ZCCHC7: variants seen among roughly 807,000 people sequenced by gnomAD.
The protein encoded by ZCCHC7 is zinc finger CCHC-type containing 7.
ZCCHC7 carries 35 observed loss-of-function variants against 52.0 expected under a neutral mutation model. The ratio of observed to expected loss-of-function variants is 0.67; its 90% CI spans 0.51 to 0.89. ZCCHC7 has a LOEUF of 0.89. ZCCHC7 is among the 40% of genes least tolerant of loss of function. The pLI is 0.00. For missense variants in ZCCHC7, 574 were observed against 649.1 expected (o/e 0.88, Z 1.26); for synonymous variants, 217 against 221.5 (o/e 0.98, Z 0.18).
At chr9:37,200,929 T>C (rs1232994719) in intron 2 of ZCCHC7, among the ~76,000 whole-genome samples, 1 of 152,270 alleles carries the variant, frequency 6.6e-6, no homozygotes, top group East Asian at 1.9e-4. Context: ...CATCACACTT[T>C]GTGTGACTTA....
Position 37,204,299 on chromosome 9 carries a change from TCTTTA to T in ZCCHC7, c.610+77363_610+77367del, listed in dbSNP as rs1823791664. On this transcript the variant is annotated intron_variant, in intron 2 of 8. Coordinates refer to ENST00000336755, the MANE Select transcript of ZCCHC7 (RefSeq NM_032226.3). ...ATAGTTTCTTTTGCTCTGCAGAAGC[TCTTTA>T]CTTTAATTAGATCCCATATGTCACT... 4.6e-5 allele frequency among the ~76,000 whole-genome samples: 7 copies of T among 152,232 alleles called. No homozygotes were observed. The South Asian group carries it at 8.3e-4, about 18-fold the overall frequency.
chr9:37,251,710 A>G (rs1826338529), intron 2 of ZCCHC7, among the ~76,000 whole-genome samples: 1 of 152,178 alleles, frequency 6.6e-6, no homozygotes, highest in Non-Finnish European at 1.5e-5. Flanking sequence ...GCCGACGCAG[A>G]TGGTCCCAGA....
At chr9:37,209,371 G>T (rs552143797) in intron 2 of ZCCHC7, among the ~76,000 whole-genome samples, 10 of 152,016 alleles carry the variant, frequency 6.6e-5, no homozygotes, top group Admixed American at 4.6e-4. Context: ...GTATATTCCT[G>T]TCTTAGAGCT....
At chr9:37,275,105 A>T (rs1827619046) in intron 2 of ZCCHC7, among the ~76,000 whole-genome samples, 1 of 152,230 alleles carries the variant, frequency 6.6e-6, no homozygotes. Flanking sequence ...ATAAATAGTT[A>T]CATAGCAACA....
At chr9:37,223,394 A>G (rs776211122) in intron 2 of ZCCHC7, among the ~76,000 whole-genome samples, 2 of 152,198 alleles carry the variant, frequency 1.3e-5, no homozygotes, top group African/African-American at 4.8e-5. Context: ...CCTGACATAA[A>G]GGGACAAATT....
chr9:37,189,505 G>A (rs960720644), intron 2 of ZCCHC7, among the ~76,000 whole-genome samples: 3 of 152,156 alleles, frequency 2.0e-5, no homozygotes, highest in African/African-American at 7.2e-5. Flanking sequence ...TCCTGCGTCA[G>A]TCTCCCAAGT....
intron 5 of ZCCHC7, among the ~76,000 whole-genome samples, chr9:37,307,003 C>T (rs1387859541): frequency 6.6e-6 from 1 of 151,214 alleles, no homozygotes; most frequent in Non-Finnish European, 1.5e-5. Flanking sequence ...TCAAGCTGGT[C>T]TCGAACTCCT....
At chr9:37,209,835 A>G (rs1824118993) in intron 2 of ZCCHC7, among the ~76,000 whole-genome samples, 1 of 152,178 alleles carries the variant, frequency 6.6e-6, no homozygotes, top group African/African-American at 2.4e-5. Context: ...GGACATGTTC[A>G]TGCTAAAGAT....
chr9:37,355,138 TA>T (rs370044287), intron 8 of ZCCHC7, among the ~76,000 whole-genome samples: 34 of 152,300 alleles, frequency 2.2e-4, no homozygotes, highest in Admixed American at 7.8e-4. Flanking sequence ...GACAGGTAAT[TA>T]TTTTTTTTTC....
At chr9:37,163,385 CAA>C (rs1022187626) in intron 2 of ZCCHC7, among the ~76,000 whole-genome samples, 8 of 77,152 alleles carry the variant, frequency 1.0e-4, no homozygotes, top group African/African-American at 3.1e-4. Flanking sequence ...GACTCCATCT[CAA>C]AAAAAAAAAA....
At chr9:37,190,579 AG>A (rs1404334098) in intron 2 of ZCCHC7, among the ~76,000 whole-genome samples, 1 of 152,242 alleles carries the variant, frequency 6.6e-6, no homozygotes, top group Admixed American at 6.5e-5. Context: ...AAGACAAGGT[AG>A]TGTGTGCTTA....
chr9:37,199,417 C>T (rs972824560), intron 2 of ZCCHC7, among the ~76,000 whole-genome samples: 1 of 150,974 alleles, frequency 6.6e-6, no homozygotes, highest in African/African-American at 2.4e-5. Flanking sequence ...CTGCAACCTC[C>T]ACCTCCTGGG....
chr9:37,305,854 C>T (rs950491959), intron 5 of ZCCHC7, 140 bp downstream of exon 5: 4 of 806,378 alleles, frequency 5.0e-6, no homozygotes, highest in Non-Finnish European at 7.3e-6. Context: ...TATATATAGT[C>T]ATGTCCATTT....
At position 37,288,195 on chromosome 9, in the gene ZCCHC7, G is replaced by A. The variant is rs548053236; in HGVS notation, c.611-13993G>A. Among the ~76,000 whole-genome samples the A allele has an allele frequency of 7.9e-4, 120 of 151,584 alleles. 1 individual carries two copies. Among genetic ancestry groups the A allele is most frequent in the African/African-American group, 2.8e-3 (114 of 41,304 alleles). On this transcript the variant is annotated intron_variant, in intron 2 of 8. Transcript: ENST00000336755. ...CTCGGGAGGCTGAGGTGGGAGGATT[G>A]CTTGAGCCCAGGAGGTTGAGCCTGC...
intron 2 of ZCCHC7, among the ~76,000 whole-genome samples, chr9:37,228,825 A>G (rs1418074348): frequency 2.6e-5 from 4 of 151,042 alleles, no homozygotes; most frequent in African/African-American, 7.4e-5. Context: ...AATATGTGAA[A>G]AAGAGGGAAC....
At chr9:37,133,376 CTTT>C (rs778044762) in intron 2 of ZCCHC7, among the ~76,000 whole-genome samples, 8 of 134,526 alleles carry the variant, frequency 5.9e-5, no homozygotes, top group Admixed American at 1.5e-4. Flanking sequence ...GGAATATTTT[CTTT>C]TTTTTTTTTT....
At chr9:37,340,509 C>G in intron 6 of ZCCHC7, among the ~76,000 whole-genome samples, 1 of 151,896 alleles carries the variant, frequency 6.6e-6, no homozygotes, top group East Asian at 1.9e-4. Flanking sequence ...TAAAAAAGTT[C>G]ACAAAAACTA....
At chr9:37,273,229 C>T (rs550018592) in intron 2 of ZCCHC7, among the ~76,000 whole-genome samples, 19 of 152,240 alleles carry the variant, frequency 1.2e-4, no homozygotes, top group African/African-American at 2.9e-4. Flanking sequence ...CCTGGCTGGG[C>T]GCGGTGGCTC....
chr9:37,124,778 T>C (rs1173442385), intron 1 of ZCCHC7, among the ~76,000 whole-genome samples: 2 of 152,030 alleles, frequency 1.3e-5, no homozygotes, highest in African/African-American at 4.8e-5. Flanking sequence ...AAGCTGGGAG[T>C]TTTGTCTCAA....
Sources: gnomAD v4.1 joint callset for allele counts (sites outside exome capture counted in the v4.1 genomes callset) on GRCh38, gnomAD v4.1.1 for gene constraint, MANE v1.5 for transcripts, NCBI Gene and HGNC (gene_info 2026-07-23, HGNC 2026-07-21) for gene names.